Variants in ZNF286A observed in about 807,000 individuals in gnomAD.
ZNF286A encodes the protein zinc finger protein ZNF286.
ZNF286A carries 34 observed loss-of-function variants against 49.3 expected under a neutral mutation model. The ratio of observed to expected loss-of-function variants is 0.69; its 90% CI spans 0.52 to 0.92. ZNF286A has a LOEUF of 0.92. Among genes scored for constraint, ZNF286A ranks in the 40% least tolerant of loss-of-function variants. The pLI is 0.00. For synonymous variants in ZNF286A, 155 were observed against 200.4 expected (o/e 0.77, Z 1.91); for missense variants, 462 against 600.2 (o/e 0.77, Z 2.41).
rs1967070392 is a variant in ZNF286A at position 15,716,584 on chromosome 17, C to T, written c.860C>T (p.Thr287Ile). Residue 287 changes from threonine to isoleucine, a missense_variant, in exon 6 of 6, where the codon ACT becomes ATT. Thr to Ile is a moderately conservative substitution (Grantham distance 89). Transcript: ENST00000583566. ...TCTTTTAGCCACAGAGCTAATTTAA[C>T]TAAACACCAGAGAACTCATACTAGA... The part of the protein sequence containing the change: ...GKSFSHRANL[T>I]KHQRTHTRIL... 2 of 1,613,942 alleles carry T rather than the reference C, an allele frequency of 1.2e-6. No homozygotes were observed. Among genetic ancestry groups the T allele is most frequent in the African/African-American group, 1.3e-5 (1 of 74,922 alleles).
intron 3 of ZNF286A, among the ~76,000 whole-genome samples, chr17:15,706,118 C>T (rs1990208903): frequency 1.3e-5 from 2 of 152,070 alleles, no homozygotes; most frequent in Non-Finnish European, 2.9e-5. Context: ...ACTTTATTCC[C>T]CAGAAAAATT....
chr17:15,715,379 A>AT (rs1966978785), intron 5 of ZNF286A, among the ~76,000 whole-genome samples: 1 of 150,882 alleles, frequency 6.6e-6, no homozygotes, highest in African/African-American at 2.4e-5. Context: ...GATCTTTGTT[A>AT]TTTTTTCAGG....
intron 3 of ZNF286A, chr17:15,704,944 CG>C (rs1447487535): frequency 6.6e-7 from 1 of 1,511,924 alleles, no homozygotes; most frequent in African/African-American, 1.4e-5. Flanking sequence ...CCCCTTCCTG[CG>C]TTCTTCGGTC....
intron 5 of ZNF286A, among the ~76,000 whole-genome samples, chr17:15,711,134 G>A (rs879508670): frequency 4.0e-5 from 6 of 151,886 alleles, no homozygotes; most frequent in Non-Finnish European, 7.4e-5. Flanking sequence ...GGGTGGTCTC[G>A]ATCTCCTGAC....
intron 5 of ZNF286A, among the ~76,000 whole-genome samples, chr17:15,710,740 A>G (rs142724793): frequency 2.5e-4 from 38 of 152,252 alleles, no homozygotes; most frequent in African/African-American, 8.9e-4. Flanking sequence ...CCAGAGACCT[A>G]TTAGTTTCTG....
In ZNF286A at chr17:15,716,993, A is replaced by G. The variant is rs1488336065; in HGVS notation, c.1269A>G (p.Thr423=). 3 of 1,613,800 alleles carry G rather than the reference A, an allele frequency of 1.9e-6. No individual in the cohort carries two copies. Among genetic ancestry groups the G allele is most frequent in the Non-Finnish European group, 2.5e-6 (3 of 1,179,826 alleles). ...GTGGAAAAACTTTTAGTCAGAGCAC[A>G]CATCTTGTTCAACATCAGAGAATTC... The part of the protein sequence containing the change: ...SECGKTFSQS[T]HLVQHQRIHT... Residue 423 remains threonine (T), a synonymous_variant, in exon 6 of 6, where the codon ACA becomes ACG. Transcript: ENST00000583566.
intron 3 of ZNF286A, chr17:15,704,396 G>A (rs1347136298): frequency 6.2e-7 from 1 of 1,606,232 alleles, no homozygotes; most frequent in Non-Finnish European, 8.5e-7. Context: ...GCCAGGGCCC[G>A]CCCGGCTTCG....
Position 15,717,505 on chromosome 17 carries a change from A to C in ZNF286A, c.*215A>C. 1.2e-6 allele frequency: 1 copy of C among 802,570 alleles called. No individual in the cohort carries two copies. The highest frequency in any genetic ancestry group is 1.8e-6 in the Non-Finnish European group (1 of 543,274). 49.7% of individuals were successfully genotyped at this position (802,570 alleles called of 1,614,324 possible). A position where few individuals can be genotyped will look rare whatever the true frequency, so the allele number is the denominator to read the frequency against. ...ATCTAGCCAGCGATTTCAAAATTTT[A>C]ATCTCCAACGTCCCAAATAGCTATC... On this transcript the variant is annotated 3_prime_UTR_variant, in exon 6 of 6. Transcript: ENST00000583566.
chr17:15,704,217 G>A, intron 3 of ZNF286A: 1 of 1,573,702 alleles, frequency 6.4e-7, no homozygotes, highest in South Asian at 1.1e-5. Flanking sequence ...ACGGTGGAAG[G>A]AGGAAGAGAG....
chr17:15,713,288 T>TA lies in ZNF286A; in HGVS notation c.335-2765dup, dbSNP rs896681143. On this transcript the variant is annotated intron_variant, in intron 5 of 5. Coordinates refer to ENST00000583566, the MANE Select transcript of ZNF286A (RefSeq NM_001130842.2). Reference sequence around the variant, plus strand: ...GTGTTAGCACAGTATATTTTTTTGTTAAAAAACATCTATTTTCTTTAACCA... The same window carrying TA: ...GTGTTAGCACAGTATATTTTTTTGTTAAAAAAACATCTATTTTCTTTAACCA... Among the ~76,000 whole-genome samples, 9 of 152,340 alleles carry TA rather than the reference T, an allele frequency of 5.9e-5. No individual in the cohort carries two copies. The East Asian group carries it at 1.2e-3, about 20-fold the overall frequency.
chr17:15,704,066 A>ATTTTTT (rs201458335), intron 3 of ZNF286A, among the ~76,000 whole-genome samples: 1 of 144,116 alleles, frequency 6.9e-6, no homozygotes, highest in Non-Finnish European at 1.5e-5. Context: ...TATTATTATT[A>ATTTTTT]TTTTTTTTTT....
At chr17:15,715,042 A>T (rs951661792) in intron 5 of ZNF286A, among the ~76,000 whole-genome samples, 1 of 151,986 alleles carries the variant, frequency 6.6e-6, no homozygotes, top group African/African-American at 2.4e-5. Context: ...TTTGAACTAC[A>T]GTGCTTAAAA....
Position 15,708,250 on chromosome 17 carries a change from G to A in ZNF286A, c.334+3G>A. On this transcript the variant is annotated splice_donor_region_variant and intron_variant, in intron 5 of 5. Coordinates refer to ENST00000583566, the MANE Select transcript of ZNF286A (RefSeq NM_001130842.2). ...AGCCCCCAAAAGCAGCTATTCAGGT[G>A]AGCCAGATAGATGGGAGTCTTCATA... 6.3e-7 allele frequency: 1 copy of A among 1,575,362 alleles called. No individual in the cohort carries two copies. Among genetic ancestry groups the A allele is most frequent in the Non-Finnish European group, 8.6e-7 (1 of 1,161,398 alleles).
chr17:15,714,181 C>CT lies in ZNF286A; in HGVS notation c.335-1863dup, dbSNP rs55778736. On this transcript the variant is annotated intron_variant, in intron 5 of 5. Coordinates refer to ENST00000583566, the MANE Select transcript of ZNF286A (RefSeq NM_001130842.2). ...CTTAGACATTTTTGAATAAAACTGG[C>CT]TTTTTTTTTTTTTTTAAACCAAGAG... Among the ~76,000 whole-genome samples the CT allele has an allele frequency of 3.8e-3, 538 of 142,392 alleles. 2 individuals are homozygous for CT. The highest frequency in any genetic ancestry group is 7.2e-3 in the Middle Eastern group (2 of 276). 93.4% of individuals were successfully genotyped at this position (142,392 alleles called of 152,430 possible).
At chr17:15,701,454 C>T (rs1291271990) in intron 3 of ZNF286A, 2 of 424,022 alleles carry the variant, frequency 4.7e-6, no homozygotes, top group East Asian at 3.9e-5. Context: ...TGTTTATTGT[C>T]CCTCAACAGA....
chr17:15,701,393 G>A, intron 3 of ZNF286A, 153 bp downstream of exon 3: 1 of 560,976 alleles, frequency 1.8e-6, no homozygotes, highest in Non-Finnish European at 3.1e-6. Flanking sequence ...AATGGACTCA[G>A]AAGAAAATGT....
intron 3 of ZNF286A, chr17:15,704,910 C>G (rs1217152565): frequency 6.3e-7 from 1 of 1,583,756 alleles, no homozygotes; most frequent in South Asian, 1.1e-5. Context: ...TGGCTGCGGC[C>G]GGCCGGGGGC....
intron 5 of ZNF286A, among the ~76,000 whole-genome samples, chr17:15,712,244 G>A (rs1990728060): frequency 6.6e-6 from 1 of 152,194 alleles, no homozygotes; most frequent in South Asian, 2.1e-4. Context: ...CAGAGAAAAT[G>A]TGTCTAAGGT....
At chr17:15,708,663 AC>A (rs773129882) in intron 5 of ZNF286A, among the ~76,000 whole-genome samples, 29 of 152,150 alleles carry the variant, frequency 1.9e-4, no homozygotes, top group Non-Finnish European at 3.7e-4. Flanking sequence ...AACTTATAGC[AC>A]CAAGTTTTGA....
Sources: allele counts gnomAD v4.1 joint callset (sites outside exome capture counted in the v4.1 genomes callset), GRCh38; gene constraint gnomAD v4.1.1; transcripts MANE v1.5; gene names NCBI Gene and HGNC (gene_info 2026-07-23, HGNC 2026-07-21).